FBXO4: variants seen among roughly 807,000 people sequenced by gnomAD.
FBXO4 encodes the protein F-box protein 4.
Under a neutral mutation model 43.7 loss-of-function variants are expected in FBXO4, and 36 were observed. That is an observed-to-expected ratio of 0.82 (90% CI 0.63 to 1.09). FBXO4 has a LOEUF of 1.09. Ranked by LOEUF, FBXO4 falls within the 50% of genes least tolerant of loss-of-function variation. FBXO4 has a pLI of 0.00. For missense variants in FBXO4, 435 were observed against 474.1 expected, an observed-to-expected ratio of 0.92 and a Z score of 0.77; for synonymous variants, 180 against 165.6, an observed-to-expected ratio of 1.09 and a Z score of -0.67.
rs1751934447 is a variant in FBXO4, at chr5:41,939,301, G to A, written c.899-140G>A. ...CTTTTAAACTGTGGAGACATCTGAA[G>A]AGTACTGTGATTTTTTTCCCTCAGT... On this transcript the variant is annotated intron_variant, in intron 5 of 6. Transcript: ENST00000281623. The A allele has an allele frequency of 4.4e-6, 3 of 677,712 alleles. No individual in the cohort carries two copies. In the East Asian group the frequency reaches 8.3e-5, roughly 19 times the overall value. 42.0% of individuals were successfully genotyped at this position (677,712 alleles called of 1,614,324 possible).
chr5:42,004,964 A>T, the FBXO4 span, among the ~76,000 whole-genome samples: 1 of 152,174 alleles, frequency 6.6e-6, no homozygotes, highest in Non-Finnish European at 1.5e-5. Context: ...GATCTAAATG[A>T]ACACATAGCT....
chr5:41,941,043 A>G, intron 6 of FBXO4, 149 bp from the exon 7 acceptor site: 1 of 535,302 alleles, frequency 1.9e-6, no homozygotes, highest in African/African-American at 1.9e-5. Flanking sequence ...TAAGTGCTCT[A>G]CAAAACAAAA....
chr5:41,972,484 G>T, the FBXO4 span, among the ~76,000 whole-genome samples: 2 of 152,098 alleles, frequency 1.3e-5, no homozygotes, highest in African/African-American at 2.4e-5. Context: ...TTGTTAAAAT[G>T]ACCATACTGT....
the FBXO4 span, among the ~76,000 whole-genome samples, chr5:42,005,534 T>C: frequency 6.6e-6 from 1 of 152,210 alleles, no homozygotes; most frequent in Admixed American, 6.5e-5. Context: ...ACTGAAGAAA[T>C]CTCTCTTCTC....
chr5:41,996,043 C>G, the FBXO4 span, among the ~76,000 whole-genome samples: 5 of 152,202 alleles, frequency 3.3e-5, no homozygotes, highest in Non-Finnish European at 7.3e-5. Flanking sequence ...CTAGTCTTCT[C>G]TTCCCCTGTC....
chr5:41,977,714 C>T, the FBXO4 span, among the ~76,000 whole-genome samples: 44 of 152,310 alleles, frequency 2.9e-4, no homozygotes, highest in South Asian at 3.1e-3. Flanking sequence ...GCTGGGATTA[C>T]AGGCATGAAC....
At chr5:41,999,516 TATATATACATATATATATAC>T in the FBXO4 span, among the ~76,000 whole-genome samples, 3 of 114,940 alleles carry the variant, frequency 2.6e-5, no homozygotes, top group Admixed American at 2.9e-4. Flanking sequence ...TGTATATATA[TATATATACATATATATATAC>T]ATATATATGT....
chr5:41,934,391 T>C, intron 5 of FBXO4, 83 bp downstream of exon 5: 1 of 1,580,460 alleles, frequency 6.3e-7, no homozygotes. Context: ...TACTGTGGCT[T>C]CTTAAGAATA....
intron 2 of FBXO4, among the ~76,000 whole-genome samples, chr5:41,928,132 G>T (rs962324332): frequency 2.0e-5 from 3 of 152,076 alleles, no homozygotes; most frequent in Non-Finnish European, 4.4e-5. Context: ...TGATTCAAAG[G>T]TGTGTTGTCT....
chr5:41,955,489 A>C, the FBXO4 span, among the ~76,000 whole-genome samples: 3 of 152,192 alleles, frequency 2.0e-5, no homozygotes, highest in Non-Finnish European at 4.4e-5. Flanking sequence ...ATTCCTTAAG[A>C]GATGTGAAAC....
At chr5:41,952,009 C>T in the FBXO4 span, 1 of 298,032 alleles carries the variant, frequency 3.4e-6, no homozygotes, top group Non-Finnish European at 6.5e-6. Flanking sequence ...ATGACACGAG[C>T]TGCCAGCAGA....
chr5:41,985,153 C>T, the FBXO4 span, among the ~76,000 whole-genome samples: 5 of 152,162 alleles, frequency 3.3e-5, no homozygotes, highest in South Asian at 2.1e-4. Context: ...ATTTTTCTAT[C>T]GTCAAATCAG....
chr5:42,003,903 C>T, the FBXO4 span, among the ~76,000 whole-genome samples: 2 of 152,080 alleles, frequency 1.3e-5, no homozygotes, highest in Non-Finnish European at 2.9e-5. Flanking sequence ...ATAAATCATG[C>T]TGTTATAAAG....
At chr5:41,964,308 A>AT in the FBXO4 span, among the ~76,000 whole-genome samples, 424 of 151,480 alleles carry the variant, frequency 2.8e-3, no homozygotes, top group Non-Finnish European at 4.9e-3. Flanking sequence ...AAAGAGATTG[A>AT]TTTTTTTTTA....
intron 5 of FBXO4, among the ~76,000 whole-genome samples, chr5:41,938,705 G>A (rs1001461887): frequency 1.3e-5 from 2 of 152,092 alleles, no homozygotes; most frequent in Non-Finnish European, 2.9e-5. Context: ...TGGAGGCTCT[G>A]GGAAAGAATT....
the FBXO4 span, among the ~76,000 whole-genome samples, chr5:42,014,665 C>T: frequency 6.6e-6 from 1 of 152,072 alleles, no homozygotes; most frequent in East Asian, 1.9e-4. Context: ...CAATGCCTGG[C>T]CCTTAGAGAG....
the FBXO4 span, among the ~76,000 whole-genome samples, chr5:41,987,895 TC>T: frequency 6.6e-6 from 1 of 152,224 alleles, no homozygotes; most frequent in African/African-American, 2.4e-5. Flanking sequence ...GTCCACTTTA[TC>T]CACTAGAGCT....
At chr5:41,971,203 GAGGT>G in the FBXO4 span, among the ~76,000 whole-genome samples, 2 of 133,092 alleles carry the variant, frequency 1.5e-5, no homozygotes, top group Non-Finnish European at 3.1e-5. Context: ...AAACTAGAGA[GAGGT>G]GTGTGTGTGT....
chr5:42,002,321 C>A, the FBXO4 span, among the ~76,000 whole-genome samples: 1 of 152,276 alleles, frequency 6.6e-6, no homozygotes, highest in East Asian at 1.9e-4. Flanking sequence ...TAAGTGCCTG[C>A]CGCACAATGA....
Sources: gnomAD v4.1 joint callset for allele counts (sites outside exome capture counted in the v4.1 genomes callset) on GRCh38, gnomAD v4.1.1 for gene constraint, MANE v1.5 for transcripts, NCBI Gene and HGNC (gene_info 2026-07-23, HGNC 2026-07-21) for gene names.